Variants in VAV2 observed in about 807,000 individuals in gnomAD.
VAV2 encodes guanine nucleotide exchange factor VAV2.
Under a neutral mutation model 132.5 loss-of-function variants are expected in VAV2, and 67 were observed. That is an observed-to-expected ratio of 0.51 (90% CI 0.42 to 0.62). The LOEUF is 0.62. Ranked by LOEUF, VAV2 falls within the 20% of genes least tolerant of loss-of-function variation. The pLI is 0.00. For missense variants in VAV2, 938 were observed against 1,153.6 expected (o/e 0.81, Z 2.71); for synonymous variants, 492 against 443.5 (o/e 1.11, Z -1.37).
At chr9:133,921,695 G>A (rs908462333) in intron 2 of VAV2, among the ~76,000 whole-genome samples, 1 of 152,164 alleles carries the variant, frequency 6.6e-6, no homozygotes, top group Non-Finnish European at 1.5e-5. Flanking sequence ...GCCCAGATAC[G>A]GCCCAGGCCC....
At chr9:133,770,575 C>T (rs936628029) in intron 26 of VAV2, 74 bp from the exon 27 acceptor site, 2 of 1,584,892 alleles carry the variant, frequency 1.3e-6, no homozygotes, top group Non-Finnish European at 1.7e-6. Flanking sequence ...TGGCCTCCCT[C>T]TCCCACCTCT....
intron 1 of VAV2, among the ~76,000 whole-genome samples, chr9:133,987,854 A>G (rs1400016114): frequency 2.0e-5 from 3 of 152,230 alleles, no homozygotes; most frequent in East Asian, 3.8e-4. Context: ...CACTTCAGAT[A>G]AAAAACAAAA....
Position 133,812,135 on chromosome 9 carries a change from C to G in VAV2, c.531G>C (p.Lys177Asn). ...GGDDIYEDII[K>N]VEVQQPMIRY... ...TCACCATGGGCTGCTGCACCTCCACCTTGATGATGTCCTCGTAGATGTCGT... is the reference window on the plus strand; with the variant it reads ...TCACCATGGGCTGCTGCACCTCCACGTTGATGATGTCCTCGTAGATGTCGT... The change falls in exon 5 of 30, where the codon AAG becomes AAC. Residue 177 changes from lysine (K) to asparagine (N), a missense_variant. Transcript: ENST00000371850. 1 of 1,613,994 alleles carries G rather than the reference C, an allele frequency of 6.2e-7. No homozygotes were observed.
rs907873331 is a variant in VAV2, at chr9:133,956,785, G to T, written c.205-17566C>A. On this transcript the variant is annotated intron_variant, in intron 1 of 29. Coordinates refer to ENST00000371850, the MANE Select transcript of VAV2 (RefSeq NM_001134398.2). Reference sequence around the variant, plus strand: ...TCAGGAATGCTGCAGCTGCAGCCTCGCCTTCCGCCCCCACCCAGGCGGGAG... The same window carrying T: ...TCAGGAATGCTGCAGCTGCAGCCTCTCCTTCCGCCCCCACCCAGGCGGGAG... 3.3e-5 allele frequency among the ~76,000 whole-genome samples: 5 copies of T among 152,206 alleles called. No individual in the cohort carries two copies. The South Asian group carries it at 1.0e-3, about 31-fold the overall frequency.
At position 133,811,973 on chromosome 9, in the gene VAV2, C is replaced by A. The variant is rs373531021; in HGVS notation, c.552+141G>T. 6.6e-5 allele frequency: 53 copies of A among 808,672 alleles called. 1 individual carries two copies. The African/African-American group carries it at 8.6e-4, about 13-fold the overall frequency. 50.1% of individuals were successfully genotyped at this position (808,672 alleles called of 1,614,324 possible). ...GACTGGGAAGGACCAAGGGGTGCAC[C>A]TCTGGACGTCCCCCTGCACCCAGAG... On this transcript the variant is annotated intron_variant, in intron 5 of 29. Transcript: ENST00000371850.
rs1045903574 is a variant in VAV2 at position 133,884,463 on chromosome 9, G to A, written c.322-23031C>T. Among the ~76,000 whole-genome samples the A allele has an allele frequency of 2.0e-5, 3 of 152,128 alleles. No individual in the cohort carries two copies. Among genetic ancestry groups the A allele is most frequent in the Non-Finnish European group, 4.4e-5 (3 of 68,030 alleles). ...ACACTTTGTCAATTAATTAGGGAGG[G>A]GGGTGCCAGCCTGGGGGGCGTGGTG... On this transcript the variant is annotated intron_variant, in intron 2 of 29. Coordinates refer to ENST00000371850, the MANE Select transcript of VAV2 (RefSeq NM_001134398.2). This position sits in a 1 kb window ranked among gnomAD's most constrained non-coding sequence, Gnocchi z 5.3.
chr9:133,938,789 T>C (rs958253385), intron 2 of VAV2, among the ~76,000 whole-genome samples: 2 of 152,144 alleles, frequency 1.3e-5, no homozygotes, highest in Non-Finnish European at 2.9e-5. Context: ...ATCCCCTGGC[T>C]AGAACCACAG....
chr9:133,966,665 C>T (rs1842149798), intron 1 of VAV2, among the ~76,000 whole-genome samples: 1 of 152,072 alleles, frequency 6.6e-6, no homozygotes, highest in South Asian at 2.1e-4. Flanking sequence ...CACACCACTG[C>T]ACTCCAGCCA....
In VAV2 at chr9:133,840,512, C is replaced by T. The variant is rs917032690; in HGVS notation, c.381-6172G>A. 6.6e-5 allele frequency among the ~76,000 whole-genome samples: 10 copies of T among 152,196 alleles called. No individual in the cohort carries two copies. Among genetic ancestry groups the T allele is most frequent in the Non-Finnish European group, 1.2e-4 (8 of 68,034 alleles). Reference sequence around the variant, plus strand: ...AGCTCAATTCTGGGCAGGACAATCACAGTCCCAGTGCTACAGCCAAATAAG... The same window carrying T: ...AGCTCAATTCTGGGCAGGACAATCATAGTCCCAGTGCTACAGCCAAATAAG... On this transcript the variant is annotated intron_variant, in intron 3 of 29. Transcript: ENST00000371850. This position sits in a 1 kb window ranked among gnomAD's most constrained non-coding sequence, Gnocchi z 4.5.
rs143230763 is a variant in VAV2 at position 133,889,032 on chromosome 9, G to A, written c.322-27600C>T. On this transcript the variant is annotated intron_variant, in intron 2 of 29. Transcript: ENST00000371850. ...CCGTCCCTGGGGAAGCCTCACTTCT[G>A]AGGAGCTCTTTGCTGAGATCAAGAT... is the stretch of plus-strand genomic sequence containing the variant. 2.7e-3 allele frequency among the ~76,000 whole-genome samples: 418 copies of A among 152,326 alleles called. 1 individual carries two copies. The highest frequency in any genetic ancestry group is 9.5e-3 in the African/African-American group (397 of 41,588).
intron 1 of VAV2, among the ~76,000 whole-genome samples, chr9:133,948,298 G>A (rs532362505): frequency 2.8e-4 from 43 of 152,370 alleles, no homozygotes; most frequent in African/African-American, 1.0e-3. Flanking sequence ...GGACCAAGGC[G>A]TCAGGCCAGC....
chr9:133,796,759 A>G (rs1256669074), intron 10 of VAV2, among the ~76,000 whole-genome samples: 1 of 152,042 alleles, frequency 6.6e-6, no homozygotes, highest in Non-Finnish European at 1.5e-5. Flanking sequence ...ACTGGGACGC[A>G]GTGAGACACG....
At chr9:133,880,064 GAGAA>G (rs1431933601) in intron 2 of VAV2, among the ~76,000 whole-genome samples, 1 of 152,236 alleles carries the variant, frequency 6.6e-6, no homozygotes, top group Non-Finnish European at 1.5e-5. Context: ...GGAAGTAGAG[GAGAA>G]AGAAGAGACG....
intron 1 of VAV2, among the ~76,000 whole-genome samples, chr9:133,988,847 C>A (rs1333154765): frequency 6.6e-6 from 1 of 152,174 alleles, no homozygotes; most frequent in Admixed American, 6.5e-5. Context: ...GCGGGCAGAT[C>A]ACAAGGTCAG....
intron 13 of VAV2, among the ~76,000 whole-genome samples, chr9:133,790,771 C>A (rs1834424319): frequency 6.6e-6 from 1 of 152,098 alleles, no homozygotes; most frequent in Admixed American, 6.5e-5. Context: ...ATCGCAGGTG[C>A]TTTTCCGTGC....
In VAV2 at chr9:133,991,353, C is replaced by G. The variant is rs1387592622; in HGVS notation, c.204+722G>C. Among the ~76,000 whole-genome samples the G allele has an allele frequency of 6.6e-6, 1 of 152,226 alleles. No homozygotes were observed. The highest frequency in any genetic ancestry group is 2.4e-5 in the African/African-American group (1 of 41,454). On this transcript the variant is annotated intron_variant, in intron 1 of 29. Coordinates refer to ENST00000371850, the MANE Select transcript of VAV2 (RefSeq NM_001134398.2). This position sits in a 1 kb window ranked among gnomAD's most constrained non-coding sequence, Gnocchi z 4.8. ...GCATTTTCCTGCCTGGCCCTGCGGCCGCACGCGTGCCTCCGCCGCGACAAA... is the reference window on the plus strand; with the variant it reads ...GCATTTTCCTGCCTGGCCCTGCGGCGGCACGCGTGCCTCCGCCGCGACAAA...
chr9:133,795,119 A>G (rs1481958774), intron 12 of VAV2, among the ~76,000 whole-genome samples: 1 of 152,222 alleles, frequency 6.6e-6, no homozygotes, highest in African/African-American at 2.4e-5. Flanking sequence ...CGGGAGTGCC[A>G]GAGTGAGGAG....
At chr9:133,780,248 T>C (rs1056038661) in intron 20 of VAV2, among the ~76,000 whole-genome samples, 1 of 152,228 alleles carries the variant, frequency 6.6e-6, no homozygotes, top group African/African-American at 2.4e-5. Flanking sequence ...GTGGTGTCCA[T>C]CTGGGACACA....
At chr9:133,891,857 A>G (rs1588324422) in intron 2 of VAV2, among the ~76,000 whole-genome samples, 1 of 23,526 alleles carries the variant, frequency 4.3e-5, no homozygotes. Context: ...GATGGAGAGG[A>G]GGGATGGAGG....
Sources: gnomAD v4.1 joint callset for allele counts (sites outside exome capture counted in the v4.1 genomes callset) on GRCh38, gnomAD v4.1.1 for gene constraint, Gnocchi (gnomAD v3.1) non-coding constraint, MANE v1.5 for transcripts, NCBI Gene and HGNC (gene_info 2026-07-23, HGNC 2026-07-21) for gene names.